Variants in HIBADH observed in about 807,000 individuals in gnomAD.
The protein encoded by HIBADH is 3-hydroxyisobutyrate dehydrogenase, mitochondrial.
HIBADH carries 25 observed loss-of-function variants against 36.1 expected under a neutral mutation model. The observed-to-expected ratio is 0.69, with a 90% CI of 0.50 to 0.97. The LOEUF (loss-of-function observed/expected upper bound fraction) is 0.97, where lower values mean the gene tolerates loss of function less well. HIBADH is among the 50% of genes least tolerant of loss of function. The pLI is 0.00. For synonymous variants in HIBADH, 160 were observed against 149.5 expected, an observed-to-expected ratio of 1.07 and a Z score of -0.51; for missense variants, 421 against 418.0, an observed-to-expected ratio of 1.01 and a Z score of -0.06.
intron 4 of HIBADH, among the ~76,000 whole-genome samples, chr7:27,558,750 T>C (rs1303838803): frequency 6.6e-6 from 1 of 152,170 alleles, no homozygotes; most frequent in Non-Finnish European, 1.5e-5. Flanking sequence ...TAAAATCTCT[T>C]CCACAGTTTT....
intron 4 of HIBADH, among the ~76,000 whole-genome samples, chr7:27,609,739 T>C (rs1785292465): frequency 6.6e-6 from 1 of 152,208 alleles, no homozygotes; most frequent in African/African-American, 2.4e-5. Flanking sequence ...TTTCATATAA[T>C]AGTCAACGCA....
Position 27,553,318 on chromosome 7 carries a change from G to C in HIBADH, c.485-10218C>G, listed in dbSNP as rs560513081. On this transcript the variant is annotated intron_variant, in intron 4 of 7. Transcript: ENST00000265395. ...GCAGGGAGAAGAGAAGCGGTCGATA[G>C]ATCCTTAAATTGGAAGCAATAGCCG... 1.4e-3 allele frequency among the ~76,000 whole-genome samples: 207 copies of C among 152,334 alleles called. 1 individual carries two copies. The highest frequency in any genetic ancestry group is 2.2e-3 in the Non-Finnish European group (147 of 68,032).
chr7:27,620,262 G>A (rs556333348), intron 4 of HIBADH, among the ~76,000 whole-genome samples: 1 of 152,278 alleles, frequency 6.6e-6, no homozygotes, highest in Admixed American at 6.5e-5. Context: ...CAAGGGTGCA[G>A]TGAACTTTGA....
chr7:27,553,645 T>C (rs949756686), intron 4 of HIBADH, among the ~76,000 whole-genome samples: 3 of 152,200 alleles, frequency 2.0e-5, no homozygotes, highest in African/African-American at 4.8e-5. Flanking sequence ...TTTTCTTTTA[T>C]TCTAAAAATC....
chr7:27,633,595 G>A (rs1785786596), intron 2 of HIBADH, among the ~76,000 whole-genome samples: 1 of 152,052 alleles, frequency 6.6e-6, no homozygotes, highest in Non-Finnish European at 1.5e-5. Flanking sequence ...GGCGTTGGAG[G>A]TTACGGTGAG....
intron 1 of HIBADH, among the ~76,000 whole-genome samples, chr7:27,650,413 GT>G (rs1056127296): frequency 3.3e-5 from 5 of 151,468 alleles, no homozygotes; most frequent in African/African-American, 1.2e-4. Context: ...CAGGACCTTG[GT>G]CTAACAACTC....
rs137887037 is a variant in HIBADH at position 27,584,886 on chromosome 7, A to C, written c.485-41786T>G. ...CCATTCCTTTTGCACCATGAGTATTATTACTCTATTATTAGAAAAATAATT... is the reference window on the plus strand; with the variant it reads ...CCATTCCTTTTGCACCATGAGTATTCTTACTCTATTATTAGAAAAATAATT... On this transcript the variant is annotated intron_variant, in intron 4 of 7. Coordinates refer to ENST00000265395, the MANE Select transcript of HIBADH (RefSeq NM_152740.4). Among the ~76,000 whole-genome samples, 1,201 of 152,098 alleles carry C rather than the reference A, an allele frequency of 7.9e-3. 14 individuals are homozygous for C. Among genetic ancestry groups the C allele is most frequent in the African/African-American group, 0.023 (937 of 41,524 alleles).
intron 7 of HIBADH, among the ~76,000 whole-genome samples, chr7:27,527,066 CAGCAAATGTGA>C (rs58556236): frequency 0.77 from 117,435 of 151,734 alleles, 46,158 homozygotes; most frequent in East Asian, 0.94. Context: ...GACAATGTGA[CAGCAAATGTGA>C]AGCAAATGTG....
At chr7:27,621,885 C>T (rs7808275) in intron 4 of HIBADH, among the ~76,000 whole-genome samples, 120,781 of 152,106 alleles carry the variant, frequency 0.79, 48,350 homozygotes, top group East Asian at 0.97. Flanking sequence ...TACAAATACA[C>T]GGGTGGGGTG....
intron 2 of HIBADH, among the ~76,000 whole-genome samples, chr7:27,638,325 AAAAAAC>A (rs1360853787): frequency 0.019 from 2,779 of 146,356 alleles, 43 homozygotes; most frequent in Non-Finnish European, 0.028. Context: ...AAAAAAAAAA[AAAAAAC>A]AAGCAATAAG....
chr7:27,545,384 G>A (rs183277298), intron 4 of HIBADH, among the ~76,000 whole-genome samples: 1 of 152,318 alleles, frequency 6.6e-6, no homozygotes, highest in Non-Finnish European at 1.5e-5. Flanking sequence ...GCTGCAGTGA[G>A]CTGAGATCGC....
intron 4 of HIBADH, among the ~76,000 whole-genome samples, chr7:27,544,488 T>C (rs1462344291): frequency 6.6e-6 from 1 of 152,232 alleles, no homozygotes; most frequent in Non-Finnish European, 1.5e-5. Flanking sequence ...TGCTTTCAAT[T>C]AGCCAATCTA....
At chr7:27,622,450 G>C (rs910006052) in intron 4 of HIBADH, among the ~76,000 whole-genome samples, 1 of 152,030 alleles carries the variant, frequency 6.6e-6, no homozygotes, top group African/African-American at 2.4e-5. Context: ...AGCAGAGCTA[G>C]ATGAAATAGA....
chr7:27,590,724 T>G (rs1170886602), intron 4 of HIBADH, among the ~76,000 whole-genome samples: 2 of 152,230 alleles, frequency 1.3e-5, no homozygotes, highest in African/African-American at 4.8e-5. Flanking sequence ...CAGATAAGGA[T>G]CTCACTTAAT....
intron 1 of HIBADH, among the ~76,000 whole-genome samples, chr7:27,657,330 T>C (rs6957378): frequency 0.79 from 120,512 of 152,018 alleles, 48,165 homozygotes; most frequent in East Asian, 0.98. Flanking sequence ...AGAGACCTTA[T>C]GAAATGAGGA....
Position 27,538,357 on chromosome 7 carries a change from T to C in HIBADH, c.679A>G (p.Met227Val). 1 of 1,612,770 alleles carries C rather than the reference T, an allele frequency of 6.2e-7. No individual in the cohort carries two copies. Among genetic ancestry groups the C allele is most frequent in the Non-Finnish European group, 8.5e-7 (1 of 1,179,234 alleles). Residue 227 changes from methionine to valine, a missense_variant, in exon 6 of 8, where the codon ATG becomes GTG. Met to Val is a conservative substitution (Grantham distance 21). Transcript: ENST00000265395. ...TCAACAAACCTGATTCCAAGATTCA[T>C]AGCTTCAGCAGTTCCAATCATACTA... is the stretch of plus-strand genomic sequence containing the variant. ...AISMIGTAEAMNLGIRLGLDP... is the reference protein window; with the variant it reads ...AISMIGTAEAVNLGIRLGLDP...
intron 6 of HIBADH, among the ~76,000 whole-genome samples, chr7:27,537,975 C>A (rs1188062295): frequency 6.6e-6 from 1 of 152,042 alleles, no homozygotes; most frequent in African/African-American, 2.4e-5. Flanking sequence ...ACACTAAAAC[C>A]ATGTCTTATA....
chr7:27,587,550 G>GT (rs746169064), intron 4 of HIBADH, among the ~76,000 whole-genome samples: 1 of 152,160 alleles, frequency 6.6e-6, no homozygotes, highest in Non-Finnish European at 1.5e-5. Context: ...TAAAGTTCAT[G>GT]TGAGATAGCT....
At chr7:27,563,492 T>C (rs1192390535) in intron 4 of HIBADH, among the ~76,000 whole-genome samples, 1 of 152,262 alleles carries the variant, frequency 6.6e-6, no homozygotes, top group Non-Finnish European at 1.5e-5. Context: ...TCCAAAGTGG[T>C]TGTGCTATTT....
Sources: gnomAD v4.1 joint callset for allele counts (sites outside exome capture counted in the v4.1 genomes callset) on GRCh38, gnomAD v4.1.1 for gene constraint, MANE v1.5 for transcripts, NCBI Gene and HGNC (gene_info 2026-07-23, HGNC 2026-07-21) for gene names.